Variants in PRX observed in about 807,000 individuals in gnomAD.
PRX encodes the protein periaxin.
Under a neutral mutation model 29.6 loss-of-function variants are expected in PRX, and 24 were observed. The observed-to-expected ratio is 0.81, with a 90% CI of 0.59 to 1.14. The LOEUF (loss-of-function observed/expected upper bound fraction) is 1.14. Among genes scored for constraint, PRX ranks in the 50% most tolerant of loss-of-function variants. The pLI is 0.00. For missense variants in PRX, 1,838 were observed against 1,926.4 expected, an observed-to-expected ratio of 0.95 and a Z score of 0.86; for synonymous variants, 772 against 831.7, an observed-to-expected ratio of 0.93 and a Z score of 1.24.
In PRX at chr19:40,403,725, C is replaced by T. The variant is rs1400501926; in HGVS notation, c.165G>A (p.Arg55=). 6.4e-7 allele frequency: 1 copy of T among 1,564,744 alleles called. No homozygotes were observed. Among genetic ancestry groups the T allele is most frequent in the Non-Finnish European group, 8.7e-7 (1 of 1,155,518 alleles). Reference sequence around the variant, plus strand: ...GCCCACCTTCCTGCAGGCTGAGGCTCCTGGCGGCGGGTGAGTCCTCGCGCA... The same window carrying T: ...GCCCACCTTCCTGCAGGCTGAGGCTTCTGGCGGCGGGTGAGTCCTCGCGCA... ...RELREDSPAA[R]SLSLQEGDQL... Residue 55 remains arginine, a synonymous_variant, in exon 5 of 7, where the codon AGG becomes AGA. Transcript: ENST00000324001.
chr19:40,411,774 C>T (rs1244017072), intron 1 of PRX, among the ~76,000 whole-genome samples: 3 of 152,104 alleles, frequency 2.0e-5, no homozygotes, highest in Non-Finnish European at 4.4e-5. Flanking sequence ...TGGGGAGGCT[C>T]CTGGGGAGGG....
chr19:40,405,678 A>C (rs1160699438), intron 4 of PRX, among the ~76,000 whole-genome samples: 1 of 116,010 alleles, frequency 8.6e-6, no homozygotes, highest in Non-Finnish European at 1.6e-5. Context: ...TCGCTCTGTC[A>C]CCCAGGCTGG....
At chr19:40,412,854 C>T (rs1027896706) in intron 1 of PRX, among the ~76,000 whole-genome samples, 1 of 152,172 alleles carries the variant, frequency 6.6e-6, no homozygotes, top group Non-Finnish European at 1.5e-5. Flanking sequence ...TAGCTGGAAC[C>T]ACAGGCATGC....
chr19:40,409,451 C>CTATTATTATTGT, intron 1 of PRX, among the ~76,000 whole-genome samples: 1 of 142,358 alleles, frequency 7.0e-6, no homozygotes, highest in South Asian at 2.2e-4. Flanking sequence ...TAAATACTTG[C>CTATTATTATTGT]TATTATTATT....
At chr19:40,406,878 ATTC>A (rs2079533455) in intron 4 of PRX, among the ~76,000 whole-genome samples, 1 of 150,792 alleles carries the variant, frequency 6.6e-6, no homozygotes, top group African/African-American at 2.4e-5. Flanking sequence ...GGTTCAAGCA[ATTC>A]TTCTGCCTCA....
At chr19:40,414,592 C>T (rs943408423), upstream of PRX, among the ~76,000 whole-genome samples, 27 of 152,106 alleles carry the variant, frequency 1.8e-4, no homozygotes, top group Admixed American at 1.6e-3. Flanking sequence ...AGGTCATTGG[C>T]AGGGGTCCAG....
At position 40,394,338 on chromosome 19, in the gene PRX, G is replaced by A; in HGVS notation, c.4014C>T (p.Phe1338=). 6.2e-7 allele frequency: 1 copy of A among 1,607,768 alleles called. No homozygotes were observed. Among genetic ancestry groups the A allele is most frequent in the Non-Finnish European group, 8.5e-7 (1 of 1,176,902 alleles). ...SPKLRLPRVG[F]SQSEMVTGEG... ...CCCCAGTGACCATCTCACTTTGGCT[G>A]AAGCCCACTCGGGGCAGCCTGAGTT... The change falls in exon 7 of 7, where the codon TTC becomes TTT. Residue 1338 remains phenylalanine, a synonymous_variant. Coordinates refer to ENST00000324001, the MANE Select transcript of PRX (RefSeq NM_181882.3). This position sits in a 1 kb window ranked among gnomAD's most constrained non-coding sequence, Gnocchi z 5.8.
rs767995607 is a variant in PRX, at chr19:40,395,116, T to C, written c.3236A>G (p.Asp1079Gly). 2.4e-5 allele frequency: 38 copies of C among 1,613,902 alleles called. No individual in the cohort carries two copies. The highest frequency in any genetic ancestry group is 3.1e-5 in the Non-Finnish European group (36 of 1,180,024). Residue 1079 changes from aspartate to glycine, a missense_variant, in exon 7 of 7, where the codon GAT becomes GGT. By Grantham distance (94) the Asp-to-Gly change is moderately conservative. This residue lies in a region of PRX where 1,143 missense variants were observed against 1,193.0 expected (regional missense o/e 0.96). Transcript: ENST00000324001. ...ARGKEAEVQG[D>G]RASPGEKAES... Reference sequence around the variant, plus strand: ...AGCCTTTTCCCCCGGGCTGGCACGATCACCTTGAACTTCTGCTTCCTTCCC... The same window carrying C: ...AGCCTTTTCCCCCGGGCTGGCACGACCACCTTGAACTTCTGCTTCCTTCCC...
At chr19:40,402,967 C>T (rs1421191437) in intron 5 of PRX, among the ~76,000 whole-genome samples, 1 of 151,778 alleles carries the variant, frequency 6.6e-6, no homozygotes, top group Non-Finnish European at 1.5e-5. Flanking sequence ...GTCGGGAGTT[C>T]GATACCAGCC....
Position 40,397,453 on chromosome 19 carries a change from A to G in PRX, c.899T>C (p.Leu300Ser), listed in dbSNP as rs748380935. 78 of 1,589,230 alleles carry G rather than the reference A, an allele frequency of 4.9e-5. No individual in the cohort carries two copies. Among genetic ancestry groups the G allele is most frequent in the Non-Finnish European group, 6.6e-5 (77 of 1,169,330 alleles). Residue 300 changes from leucine to serine, a missense_variant, in exon 7 of 7, where the codon TTG (leucine) becomes TCG (serine). Leu to Ser is a moderately radical substitution (Grantham distance 145). Coordinates refer to ENST00000324001, the MANE Select transcript of PRX (RefSeq NM_181882.3). ...TGTGGGCAGAGTGGGCAGTGAGGGCAAGGCAGGCAGCTCCACCTGGGGGAC... is the reference window on the plus strand; with the variant it reads ...TGTGGGCAGAGTGGGCAGTGAGGGCGAGGCAGGCAGCTCCACCTGGGGGAC... ...IQVPQVELPA[L>S]PSLPTLPTLP...
chr19:40,395,538 G>A lies in PRX; in HGVS notation c.2814C>T (p.Leu938=). The change falls in exon 7 of 7, where the codon CTC becomes CTT. Residue 938 remains leucine (L), a synonymous_variant. Coordinates refer to ENST00000324001, the MANE Select transcript of PRX (RefSeq NM_181882.3). ...CTGCCTTAGCCACCTTTGGCCCCGA[G>A]AGTCCAAACTTAGGTAAGGAGAACT... ...SSKFSLPKFG[L]SGPKVAKAEA... 6.2e-7 allele frequency: 1 copy of A among 1,614,178 alleles called. No individual in the cohort carries two copies. The highest frequency in any genetic ancestry group is 8.5e-7 in the Non-Finnish European group (1 of 1,180,038).
chr19:40,393,976 G>A lies in PRX; in HGVS notation c.4376C>T (p.Ala1459Val), dbSNP rs373051724. 2.8e-5 allele frequency: 45 copies of A among 1,612,296 alleles called. No homozygotes were observed. Among genetic ancestry groups the A allele is most frequent in the South Asian group, 1.1e-4 (10 of 91,082 alleles). ...GPARMEGAQA[A>V]AV ...ATCTGACTAGGGGCTTCAGACAGCC[G>A]CAGCCTGAGCCCCCTCCATCCTGGC... is the stretch of plus-strand genomic sequence containing the variant. The change falls in exon 7 of 7, where the codon GCG becomes GTG. Residue 1459 changes from alanine (A) to valine (V), a missense_variant. Physicochemically the swap from Ala to Val is moderately conservative, Grantham distance 64. Coordinates refer to ENST00000324001, the MANE Select transcript of PRX (RefSeq NM_181882.3).
rs797045102 is a variant in PRX at position 40,396,062 on chromosome 19, GA to G, written c.2289del (p.Asp765ThrfsTer10). 2 of 1,614,124 alleles carry G rather than the reference GA, an allele frequency of 1.2e-6. No individual in the cohort carries two copies. The highest frequency in any genetic ancestry group is 1.7e-6 in the Non-Finnish European group (2 of 1,180,046). On this transcript the variant is annotated frameshift_variant, in exon 7 of 7. Transcript: ENST00000324001. LOFTEE classifies it low-confidence loss of function (END_TRUNC). ...IRLPEMQVPK[V>X]PDVHLPKAPE... ...GGTGCCTTCGGAAGATGCACGTCGG[GA>G]ACCTTCGGCACTTGCATTTCCGGCA...
At chr19:40,410,075 G>C (rs775905376) in intron 1 of PRX, among the ~76,000 whole-genome samples, 1 of 152,030 alleles carries the variant, frequency 6.6e-6, no homozygotes, top group Non-Finnish European at 1.5e-5. Context: ...ACTTCACCTC[G>C]GAAAACCCCA....
chr19:40,402,651 G>C (rs1436815990), intron 5 of PRX, among the ~76,000 whole-genome samples: 2 of 149,242 alleles, frequency 1.3e-5, no homozygotes, highest in African/African-American at 2.5e-5. Context: ...GGCGCCTGTA[G>C]TCCCTCCCAG....
In PRX at chr19:40,397,067, C is replaced by G. The variant is rs1023641837; in HGVS notation, c.1285G>C (p.Val429Leu). The change falls in exon 7 of 7, where the codon GTG becomes CTG. Residue 429 changes from valine (V) to leucine (L), a missense_variant. Physicochemically the swap from Val to Leu is conservative, Grantham distance 32. Transcript: ENST00000324001. ...GGCACCTTGACCTCGGGCCCTGACA[C>G]TCCGATGCCAAGGGAGGGCATCTTG... Reference protein sequence around the residue: ...TIKMPSLGIGVSGPEVKVPKG... With the variant: ...TIKMPSLGIGLSGPEVKVPKG... The G allele has an allele frequency of 1.2e-6, 2 of 1,614,106 alleles. No homozygotes were observed. The highest frequency in any genetic ancestry group is 1.6e-4 in the Middle Eastern group (1 of 6,062).
At position 40,398,375 on chromosome 19, in the gene PRX, C is replaced by A; in HGVS notation, c.381+245G>T. 1 of 1,440,226 alleles carries A rather than the reference C, an allele frequency of 6.9e-7. No homozygotes were observed. The allele number at this position is 1,440,226 out of a possible 1,614,324, so 89.2% of individuals were successfully genotyped here. A position where few individuals can be genotyped will look rare whatever the true frequency, so the allele number is the denominator to read the frequency against. On this transcript the variant is annotated intron_variant, in intron 6 of 6. Transcript: ENST00000324001. The surrounding 1 kb of genome is among the most constrained non-coding windows in gnomAD (Gnocchi z 6.3). ...AAGTAGCCTGGTTCAGGACCCCTAGCAAGCCTGGATCCGATGGTGGGGACG... is the reference window on the plus strand; with the variant it reads ...AAGTAGCCTGGTTCAGGACCCCTAGAAAGCCTGGATCCGATGGTGGGGACG...
At chr19:40,407,211 C>CT (rs1568716457) in intron 4 of PRX, among the ~76,000 whole-genome samples, 1 of 102,394 alleles carries the variant, frequency 9.8e-6, no homozygotes, top group African/African-American at 6.0e-5. Context: ...ATTATATGCC[C>CT]TTGTGTGTGT....
In PRX at chr19:40,394,455, C is replaced by A; in HGVS notation, c.3897G>T (p.Glu1299Asp). Residue 1299 changes from glutamate (E) to aspartate (D), a missense_variant, in exon 7 of 7, where the codon GAG becomes GAT. Transcript: ENST00000324001. This position sits in a 1 kb window ranked among gnomAD's most constrained non-coding sequence, Gnocchi z 5.8. ...GCCGTACCTTGAGCTTGTGTCCGGCCTCTCCCTCCCCCTCTGCCACCTGGT... is the reference window on the plus strand; with the variant it reads ...GCCGTACCTTGAGCTTGTGTCCGGCATCTCCCTCCCCCTCTGCCACCTGGT... ...AEYQVAEGEG[E>D]AGHKLKVRLP... The A allele has an allele frequency of 6.2e-7, 1 of 1,601,900 alleles. No individual in the cohort carries two copies. Among genetic ancestry groups the A allele is most frequent in the East Asian group, 2.3e-5 (1 of 44,040 alleles).
Sources: gnomAD v4.1 joint callset for allele counts (sites outside exome capture counted in the v4.1 genomes callset) on GRCh38, gnomAD v4.1.1 for gene constraint, gnomAD v4.1.1 regional missense constraint, Gnocchi (gnomAD v3.1) non-coding constraint, MANE v1.5 for transcripts, NCBI Gene and HGNC (gene_info 2026-07-23, HGNC 2026-07-21) for gene names.